Variants in PIGK observed in about 807,000 individuals in gnomAD.
PIGK encodes the protein GPI-anchor transamidase.
Under a neutral mutation model 50.6 loss-of-function variants are expected in PIGK, and 42 were observed. The ratio of observed to expected loss-of-function variants is 0.83; its 90% confidence interval spans 0.65 to 1.07. The LOEUF is 1.07. PIGK is among the 50% of genes least tolerant of loss of function. The pLI is 0.00. For missense variants in PIGK, 448 were observed against 488.7 expected, an observed-to-expected ratio of 0.92 and a Z score of 0.78; for synonymous variants, 151 against 156.0, an observed-to-expected ratio of 0.97 and a Z score of 0.24.
Position 77,130,519 on chromosome 1 carries a change from G to A in PIGK, c.987-8160C>T, listed in dbSNP as rs187047873. 4.1e-4 allele frequency among the ~76,000 whole-genome samples: 63 copies of A among 151,820 alleles called. 1 individual carries two copies. Among genetic ancestry groups the A allele is most frequent in the Non-Finnish European group, 6.0e-4 (41 of 67,932 alleles). ...AAACCATATCTATCACACATATATC[G>A]TTATGCATGAGTCTGTGGGGGCTTT... On this transcript the variant is annotated intron_variant, in intron 9 of 10. Coordinates refer to ENST00000370812, the MANE Select transcript of PIGK (RefSeq NM_005482.3).
chr1:77,158,651 A>G (rs1429497787), intron 8 of PIGK, among the ~76,000 whole-genome samples: 1 of 152,216 alleles, frequency 6.6e-6, no homozygotes, highest in Non-Finnish European at 1.5e-5. Context: ...ATGCTTTAGC[A>G]AAGAGACTGG....
At chr1:77,178,719 T>C (rs543922466) in intron 3 of PIGK, among the ~76,000 whole-genome samples, 2 of 152,154 alleles carry the variant, frequency 1.3e-5, no homozygotes, top group Non-Finnish European at 2.9e-5. Flanking sequence ...ATAATAATAG[T>C]CTCCTTGGTG....
In PIGK at chr1:77,163,873, G is replaced by T. The variant is rs1421887331; in HGVS notation, c.557C>A (p.Ala186Asp). ...TCTTTTCTGCCACATTTGTTCAAAA[G>T]CATCCGCGAGTTCTATGTTGGTAAT... The part of the protein sequence containing the change: ...EEITNIELAD[A>D]FEQMWQKRRY... Residue 186 changes from alanine (A) to aspartate (D), a missense_variant, in exon 6 of 11, where the codon GCT becomes GAT. Ala to Asp is a moderately radical substitution (Grantham distance 126). Transcript: ENST00000370812. 5 of 1,607,980 alleles carry T rather than the reference G, an allele frequency of 3.1e-6. No homozygotes were observed. In the African/African-American group the frequency reaches 6.7e-5, roughly 22 times the overall value.
At chr1:77,148,299 T>A (rs1007459909) in intron 9 of PIGK, among the ~76,000 whole-genome samples, 1 of 152,236 alleles carries the variant, frequency 6.6e-6, no homozygotes, top group African/African-American at 2.4e-5. Context: ...GGGAGCCTGA[T>A]TCTCATAAAT....
At chr1:77,100,344 T>G (rs764842982) in intron 10 of PIGK, among the ~76,000 whole-genome samples, 8 of 152,154 alleles carry the variant, frequency 5.3e-5, no homozygotes, top group Non-Finnish European at 1.0e-4. Flanking sequence ...TTAGTGGTGG[T>G]TTATTAGTAT....
chr1:77,164,084 T>C (rs1443867149), intron 5 of PIGK, 142 bp from the exon 6 acceptor site: 2 of 517,428 alleles, frequency 3.9e-6, no homozygotes, highest in Non-Finnish European at 6.7e-6. Context: ...AACAAACAAA[T>C]TGAATTTTCT....
chr1:77,106,672 T>G (rs920057590), intron 10 of PIGK, among the ~76,000 whole-genome samples: 1 of 152,144 alleles, frequency 6.6e-6, no homozygotes, highest in African/African-American at 2.4e-5. Context: ...TTTCTGCTTC[T>G]ATATACTAGT....
intron 10 of PIGK, among the ~76,000 whole-genome samples, chr1:77,096,907 T>G (rs1486965875): frequency 1.3e-5 from 2 of 148,484 alleles, no homozygotes; most frequent in Non-Finnish European, 3.0e-5. Context: ...TGTTTTTTTG[T>G]TTTTTTGTTT....
chr1:77,214,481 T>C (rs1426425646), intron 1 of PIGK, among the ~76,000 whole-genome samples: 1 of 152,016 alleles, frequency 6.6e-6, no homozygotes, highest in African/African-American at 2.4e-5. Flanking sequence ...TCTCAACAAA[T>C]TGGGTATAGA....
rs1356101113 is a variant in PIGK, at chr1:77,090,617, G to T, written c.*1757C>A. The T allele has an allele frequency of 6.6e-6, 1 of 152,210 alleles. No homozygotes were observed. Among genetic ancestry groups the T allele is most frequent in the Non-Finnish European group, 1.5e-5 (1 of 68,038 alleles). The allele number at this position is 152,210 out of a possible 1,614,324, so 9.4% of individuals were successfully genotyped here. ...TTCAAACTAAATTACTTTGGCTCAA[G>T]AACAATCATAATTCCTTTACCACCC... On this transcript the variant is annotated 3_prime_UTR_variant, in exon 11 of 11. Transcript: ENST00000370812.
chr1:77,101,858 G>C (rs909667360), intron 10 of PIGK, among the ~76,000 whole-genome samples: 6 of 152,066 alleles, frequency 3.9e-5, no homozygotes, highest in Non-Finnish European at 4.4e-5. Context: ...ACAAAAATTA[G>C]CTGGGCGTGG....
intron 9 of PIGK, among the ~76,000 whole-genome samples, chr1:77,122,618 C>CAA (rs1489728547): frequency 2.0e-5 from 3 of 152,184 alleles, no homozygotes; most frequent in East Asian, 1.9e-4. Context: ...TTCTCTGAGA[C>CAA]AAAAATGTTT....
At chr1:77,174,516 CA>C (rs1350545203) in intron 3 of PIGK, among the ~76,000 whole-genome samples, 2 of 152,272 alleles carry the variant, frequency 1.3e-5, no homozygotes, top group East Asian at 3.9e-4. Context: ...CTTTGCATCA[CA>C]AGACAGCTTT....
At chr1:77,198,128 C>T (rs1656077830) in intron 3 of PIGK, among the ~76,000 whole-genome samples, 1 of 152,018 alleles carries the variant, frequency 6.6e-6, no homozygotes. Flanking sequence ...TAAAAATTAT[C>T]ATGCAGACAT....
intron 1 of PIGK, among the ~76,000 whole-genome samples, chr1:77,211,890 T>C (rs1656430242): frequency 6.6e-6 from 1 of 151,348 alleles, no homozygotes; most frequent in African/African-American, 2.4e-5. Context: ...CACAGACAGG[T>C]CTTCTTCATA....
At chr1:77,206,914 A>T (rs1434642119) in intron 2 of PIGK, among the ~76,000 whole-genome samples, 183 bp from the exon 3 acceptor site, 1 of 152,162 alleles carries the variant, frequency 6.6e-6, no homozygotes, top group Non-Finnish European at 1.5e-5. Context: ...TGCCTGTAAT[A>T]CCAACACTTT....
intron 8 of PIGK, among the ~76,000 whole-genome samples, chr1:77,159,234 C>A (rs2100554302): frequency 6.6e-6 from 1 of 152,220 alleles, no homozygotes; most frequent in East Asian, 1.9e-4. Flanking sequence ...GGTGTTAAGC[C>A]TGAAGGTGCA....
intron 1 of PIGK, among the ~76,000 whole-genome samples, chr1:77,214,498 A>C (rs1365013556): frequency 6.6e-6 from 1 of 152,106 alleles, no homozygotes; most frequent in African/African-American, 2.4e-5. Flanking sequence ...TAGAAGGAAC[A>C]CACCTAAACA....
chr1:77,110,951 T>C (rs530251038), intron 10 of PIGK, among the ~76,000 whole-genome samples: 2,714 of 152,186 alleles, frequency 0.018, 68 homozygotes, highest in African/African-American at 0.06. Flanking sequence ...GCAAAGGATA[T>C]GAACAGACAC....
Sources: allele counts gnomAD v4.1 joint callset (sites outside exome capture counted in the v4.1 genomes callset), GRCh38; gene constraint gnomAD v4.1.1; transcripts MANE v1.5; gene names NCBI Gene and HGNC (gene_info 2026-07-23, HGNC 2026-07-21).